The following PRPF4 variants were observed in gnomAD, a reference collection of about 807,000 sequenced individuals.
The protein encoded by PRPF4 is U4/U6 small nuclear ribonucleoprotein Prp4.
Under a neutral mutation model 72.2 loss-of-function variants are expected in PRPF4, and 14 were observed. The observed-to-expected ratio is 0.19, with a 90% CI of 0.13 to 0.30. The LOEUF (loss-of-function observed/expected upper bound fraction) is 0.30, where lower values mean the gene tolerates loss of function less well. PRPF4 is among the 10% of genes least tolerant of loss of function. The probability of loss-of-function intolerance (pLI) is 1.00; values close to 1 mark genes in which losing one functional copy is unlikely to be tolerated. For missense variants in PRPF4, 478 were observed against 653.9 expected (o/e 0.73, Z 2.93); for synonymous variants, 225 against 232.2 (o/e 0.97, Z 0.28).
At chr9:113,280,617 ATGT>A (rs1435707805) in intron 3 of PRPF4, among the ~76,000 whole-genome samples, 5 of 152,212 alleles carry the variant, frequency 3.3e-5, no homozygotes, top group African/African-American at 9.6e-5. Context: ...AGCCCCAAAC[ATGT>A]TGTGTTAATT....
intron 9 of PRPF4, 64 bp from the exon 10 acceptor site, chr9:113,288,111 G>T: frequency 1.3e-6 from 2 of 1,481,594 alleles, no homozygotes; most frequent in Non-Finnish European, 1.9e-6. Flanking sequence ...CTGCACAGAA[G>T]GTAAGCAGTT....
chr9:113,291,967 C>T lies in PRPF4; in HGVS notation c.*307C>T. 5.5e-6 allele frequency: 1 copy of T among 181,570 alleles called. No individual in the cohort carries two copies. Among genetic ancestry groups the T allele is most frequent in the South Asian group, 1.4e-4 (1 of 7,126 alleles). The allele number at this position is 181,570 out of a possible 1,614,324, so 11.2% of individuals were successfully genotyped here. A position where few individuals can be genotyped will look rare whatever the true frequency, so the allele number is the denominator to read the frequency against. ...GTGGCTCACGCCTGTAATCCTAGCA[C>T]TTTGGGAGGCCGAGGTGGGTAGATC... On this transcript the variant is annotated 3_prime_UTR_variant, in exon 14 of 14. Coordinates refer to ENST00000374198, the MANE Select transcript of PRPF4 (RefSeq NM_001244926.2).
chr9:113,288,124 G>A (rs758602797), intron 9 of PRPF4, 51 bp from the exon 10 acceptor site: 2 of 1,557,738 alleles, frequency 1.3e-6, no homozygotes. Context: ...AAGCAGTTTT[G>A]TGACTATTTA....
At chr9:113,277,665 C>G (rs1242950778) in intron 2 of PRPF4, among the ~76,000 whole-genome samples, 2 of 151,448 alleles carry the variant, frequency 1.3e-5, no homozygotes, top group African/African-American at 4.8e-5. Context: ...GGATTACAGG[C>G]GTGAGCCACT....
intron 2 of PRPF4, 53 bp downstream of exon 2, chr9:113,276,778 T>A: frequency 6.6e-7 from 1 of 1,521,454 alleles, no homozygotes; most frequent in Non-Finnish European, 8.9e-7. Flanking sequence ...TGAATACCTT[T>A]CTAAACTTAA....
In PRPF4 at chr9:113,288,262, C is replaced by G. The variant is rs376963560; in HGVS notation, c.1020C>G (p.Thr340=). The change falls in exon 10 of 14, where the codon ACC becomes ACG. Residue 340 remains threonine, a splice_region_variant and synonymous_variant. Transcript: ENST00000374198. ...WHPSGRFLGT[T]CYDRSWRLWD... ...CTTCAGGACGTTTCCTGGGCACCAC[C>G]TGGTGAGCCATCCTGTTATTGTTTT... 6 of 1,613,870 alleles carry G rather than the reference C, an allele frequency of 3.7e-6. 1 individual carries two copies. Among genetic ancestry groups the G allele is most frequent in the African/African-American group, 1.3e-5 (1 of 74,912 alleles).
chr9:113,278,426 T>TA (rs563058415), intron 2 of PRPF4, among the ~76,000 whole-genome samples: 85 of 152,372 alleles, frequency 5.6e-4, no homozygotes, highest in African/African-American at 1.9e-3. Flanking sequence ...TCTCATTTTT[T>TA]ATCACACTTG....
At chr9:113,276,074 A>G (rs1187896712) in intron 1 of PRPF4, among the ~76,000 whole-genome samples, 3 of 152,228 alleles carry the variant, frequency 2.0e-5, no homozygotes, top group Non-Finnish European at 2.9e-5. Context: ...CCTTTGGCAG[A>G]TCTCAGAATT....
intron 10 of PRPF4, among the ~76,000 whole-genome samples, 191 bp from the exon 11 acceptor site, chr9:113,290,275 C>G (rs1402285343): frequency 6.6e-6 from 1 of 151,508 alleles, no homozygotes; most frequent in Non-Finnish European, 1.5e-5. Flanking sequence ...TGGTTTTCAG[C>G]TAGCACCTAA....
Position 113,289,465 on chromosome 9 carries a change from C to T in PRPF4, c.1023-1001C>T, listed in dbSNP as rs754812084. ...TCCCGGAGTTCTGGTTACTTCACAT[C>T]CCTGTTAACATTTGGTGTTGTCAGT... On this transcript the variant is annotated intron_variant, in intron 10 of 13. Transcript: ENST00000374198. Among the ~76,000 whole-genome samples the T allele has an allele frequency of 5.9e-5, 9 of 152,200 alleles. No individual in the cohort carries two copies. In the South Asian group the frequency reaches 6.2e-4, roughly 11 times the overall value.
At chr9:113,279,176 G>A in intron 3 of PRPF4, 45 bp downstream of exon 3, 1 of 1,544,044 alleles carries the variant, frequency 6.5e-7, no homozygotes, top group African/African-American at 1.4e-5. Flanking sequence ...TATAATCACA[G>A]GGTTCTACTC....
rs1832572154 is a variant in PRPF4 at position 113,290,345 on chromosome 9, T to A, written c.1023-121T>A. On this transcript the variant is annotated intron_variant, in intron 10 of 13. Transcript: ENST00000374198. ...GTCAGAAAGGAGCTTCCTGTTAATA[T>A]GGTTATATGAATAGTTTCAGAAGCA... The A allele has an allele frequency of 2.2e-6, 3 of 1,379,318 alleles. No homozygotes were observed. In the Admixed American group the frequency reaches 5.7e-5, roughly 26 times the overall value. The allele number at this position is 1,379,318 out of a possible 1,614,324, so 85.4% of individuals were successfully genotyped here. A position where few individuals can be genotyped will look rare whatever the true frequency, so the allele number is the denominator to read the frequency against.
At chr9:113,278,841 G>A (rs1037341150) in intron 2 of PRPF4, 104 bp from the exon 3 acceptor site, 53 of 1,103,534 alleles carry the variant, frequency 4.8e-5, no homozygotes, top group Non-Finnish European at 6.2e-5. Flanking sequence ...ATGTGTAATA[G>A]ACAGTTACTT....
chr9:113,282,428 T>G lies in PRPF4; in HGVS notation c.393-218T>G, dbSNP rs181224808. On this transcript the variant is annotated intron_variant, in intron 3 of 13. Transcript: ENST00000374198. ...TTGAGGCTGCAGTGACCCATGATCA[T>G]GCCACTGCACTCCACCCTGGGCAAC... Among the ~76,000 whole-genome samples the G allele has an allele frequency of 4.0e-3, 600 of 151,682 alleles. 5 individuals carry two copies. The highest frequency in any genetic ancestry group is 0.014 in the African/African-American group (565 of 41,312).
intron 4 of PRPF4, 61 bp downstream of exon 4, chr9:113,282,794 G>A (rs12352784): frequency 0.054 from 72,386 of 1,350,142 alleles, 2,199 homozygotes; most frequent in African/African-American, 0.089. Flanking sequence ...TAGGTCTCTC[G>A]TTTTCTGCTT....
At chr9:113,287,327 C>T (rs1441898378) in intron 9 of PRPF4, among the ~76,000 whole-genome samples, 6 of 152,102 alleles carry the variant, frequency 3.9e-5, no homozygotes, top group South Asian at 2.1e-4. Context: ...CTTGGCAGTT[C>T]GTTGGTTCTT....
At chr9:113,287,063 A>C (rs1413728320) in intron 9 of PRPF4, among the ~76,000 whole-genome samples, 2 of 152,226 alleles carry the variant, frequency 1.3e-5, no homozygotes, top group African/African-American at 2.4e-5. Context: ...AAGAACAAAA[A>C]AAAAAATCTG....
At chr9:113,276,891 T>C (rs553449455) in intron 2 of PRPF4, among the ~76,000 whole-genome samples, 166 bp downstream of exon 2, 27 of 152,212 alleles carry the variant, frequency 1.8e-4, no homozygotes, top group Middle Eastern at 6.8e-3. Flanking sequence ...CTTGGCTCAC[T>C]GCAACCTCCG....
At chr9:113,288,689 A>G (rs1053531249) in intron 10 of PRPF4, among the ~76,000 whole-genome samples, 2 of 152,134 alleles carry the variant, frequency 1.3e-5, no homozygotes, top group Non-Finnish European at 2.9e-5. Context: ...TTCCCGCCTC[A>G]GCCTCCCAAA....
Sources: allele counts gnomAD v4.1 joint callset (sites outside exome capture counted in the v4.1 genomes callset), GRCh38; gene constraint gnomAD v4.1.1; transcripts MANE v1.5; gene names NCBI Gene and HGNC (gene_info 2026-07-23, HGNC 2026-07-21).